Variants in KCNIP4 observed in about 807,000 individuals in gnomAD.
KCNIP4 encodes potassium voltage-gated channel interacting protein 4, also known as Kv channel-interacting protein 4.
In KCNIP4, 12 loss-of-function variants were observed where a neutral mutation model predicts 34.0. That is an observed-to-expected ratio of 0.35 (90% CI 0.23 to 0.57). KCNIP4 has a LOEUF of 0.57. Ranked by LOEUF, KCNIP4 falls within the 20% of genes least tolerant of loss-of-function variation. KCNIP4 has a pLI of 0.83. For missense variants in KCNIP4, 238 were observed against 311.7 expected, an observed-to-expected ratio of 0.76 and a Z score of 1.78; for synonymous variants, 124 against 102.2, an observed-to-expected ratio of 1.21 and a Z score of -1.29.
chr4:21,638,223 A>T (rs142794858), intron 1 of KCNIP4, among the ~76,000 whole-genome samples: 1 of 152,162 alleles, frequency 6.6e-6, no homozygotes, highest in Non-Finnish European at 1.5e-5. Context: ...AAATTTTCCA[A>T]TCAGGGGCAA....
intron 1 of KCNIP4, among the ~76,000 whole-genome samples, chr4:21,600,014 TGGTCCTCAGATCACATCTTAA>T (rs1742977243): frequency 6.6e-6 from 1 of 152,064 alleles, no homozygotes; most frequent in South Asian, 2.1e-4. Context: ...CTGCTGCAGG[TGGTCCTCAGATCACATCTTAA>T]GAAGTATTGA....
intron 2 of KCNIP4, among the ~76,000 whole-genome samples, chr4:20,851,584 C>A (rs777674457): frequency 4.0e-5 from 6 of 151,644 alleles, no homozygotes; most frequent in Non-Finnish European, 5.9e-5. Context: ...GTATTTCTGC[C>A]TCTAGGTCTT....
chr4:20,996,261 C>T (rs1372066881), intron 1 of KCNIP4, among the ~76,000 whole-genome samples: 3 of 152,204 alleles, frequency 2.0e-5, no homozygotes, highest in Non-Finnish European at 2.9e-5. Context: ...TTCGCTCTCA[C>T]ACCCCTAAGG....
intron 1 of KCNIP4, among the ~76,000 whole-genome samples, chr4:21,281,045 G>A (rs1762742485): frequency 6.7e-6 from 1 of 149,440 alleles, no homozygotes; most frequent in African/African-American, 2.5e-5. Flanking sequence ...CTCTATAATA[G>A]TTTAAATGAT....
At chr4:21,928,651 C>A (rs1282391235) in intron 1 of KCNIP4, among the ~76,000 whole-genome samples, 1 of 152,070 alleles carries the variant, frequency 6.6e-6, no homozygotes, top group Non-Finnish European at 1.5e-5. Context: ...GTATGTCTGA[C>A]TCTTGCAGAA....
At chr4:21,805,511 G>A (rs141424808) in intron 1 of KCNIP4, among the ~76,000 whole-genome samples, 3,125 of 152,152 alleles carry the variant, frequency 0.021, 39 homozygotes, top group Non-Finnish European at 0.032. Flanking sequence ...CTCCCCAGCC[G>A]TGTGGAACTG....
intron 1 of KCNIP4, among the ~76,000 whole-genome samples, chr4:21,653,993 G>A (rs185422053): frequency 8.1e-4 from 124 of 152,180 alleles, no homozygotes; most frequent in Admixed American, 7.4e-3. Flanking sequence ...GAAAGTACTC[G>A]AGTTAATTTC....
intron 1 of KCNIP4, among the ~76,000 whole-genome samples, chr4:21,693,617 A>C (rs1162794540): frequency 6.6e-6 from 1 of 152,154 alleles, no homozygotes; most frequent in African/African-American, 2.4e-5. Context: ...TGGTGGCTTG[A>C]CCCACAATAA....
At chr4:20,933,068 A>G (rs1730649641) in intron 1 of KCNIP4, among the ~76,000 whole-genome samples, 1 of 152,068 alleles carries the variant, frequency 6.6e-6, no homozygotes, top group Non-Finnish European at 1.5e-5. Context: ...CAACATAGAG[A>G]AACCTGTCTC....
intron 1 of KCNIP4, among the ~76,000 whole-genome samples, chr4:21,354,120 G>C (rs937482765): frequency 2.0e-5 from 3 of 152,124 alleles, no homozygotes; most frequent in African/African-American, 7.2e-5. Context: ...TCACCACCAG[G>C]CCTGCCCTAC....
chr4:21,347,581 A>T (rs867176144), intron 1 of KCNIP4, among the ~76,000 whole-genome samples: 29 of 152,332 alleles, frequency 1.9e-4, no homozygotes, highest in African/African-American at 5.5e-4. Flanking sequence ...CAAAGGATCA[A>T]CACAGTGAGT....
chr4:21,621,170 C>A (rs2340), intron 1 of KCNIP4, among the ~76,000 whole-genome samples: 132,368 of 152,180 alleles, frequency 0.87, 57,882 homozygotes, highest in East Asian at 0.99. Context: ...CCAACCAAAA[C>A]TACTCAAATT....
chr4:21,343,571 C>T (rs913000839), intron 1 of KCNIP4, among the ~76,000 whole-genome samples: 8 of 152,204 alleles, frequency 5.3e-5, no homozygotes, highest in African/African-American at 1.9e-4. Context: ...AATAAAAATG[C>T]TGCTTGTCTA....
chr4:21,190,442 G>C (rs78153059), intron 1 of KCNIP4, among the ~76,000 whole-genome samples: 3,464 of 144,104 alleles, frequency 0.024, 153 homozygotes, highest in African/African-American at 0.086. Context: ...AATGCTGTGT[G>C]TGCCACACCT....
chr4:21,733,085 A>G (rs1357851374), intron 1 of KCNIP4, among the ~76,000 whole-genome samples: 2 of 152,318 alleles, frequency 1.3e-5, no homozygotes, highest in East Asian at 1.9e-4. Context: ...GCTGAGCAAG[A>G]GTATAAGACT....
At chr4:21,506,249 A>C (rs1733837882) in intron 1 of KCNIP4, among the ~76,000 whole-genome samples, 1 of 152,212 alleles carries the variant, frequency 6.6e-6, no homozygotes, top group African/African-American at 2.4e-5. Context: ...GCAGTTCAGA[A>C]TGTAGATGTT....
chr4:21,734,033 A>G (rs1715806258), intron 1 of KCNIP4, among the ~76,000 whole-genome samples: 1 of 152,190 alleles, frequency 6.6e-6, no homozygotes, highest in East Asian at 1.9e-4. Flanking sequence ...TGGGGCTGTG[A>G]CATGCTGCAG....
At chr4:21,395,614 G>A (rs1722917821) in intron 1 of KCNIP4, among the ~76,000 whole-genome samples, 1 of 151,944 alleles carries the variant, frequency 6.6e-6, no homozygotes, top group African/African-American at 2.4e-5. Flanking sequence ...TACCAGAAAA[G>A]TTTTCCTCCC....
chr4:21,323,276 A>C (rs1578077519), intron 1 of KCNIP4, among the ~76,000 whole-genome samples: 1 of 151,710 alleles, frequency 6.6e-6, no homozygotes, highest in African/African-American at 2.4e-5. Context: ...CATACAATTC[A>C]ATTATGCTCT....
Sources: allele counts gnomAD v4.1 joint callset (sites outside exome capture counted in the v4.1 genomes callset), GRCh38; gene constraint gnomAD v4.1.1; transcripts MANE v1.5; gene names NCBI Gene and HGNC (gene_info 2026-07-23, HGNC 2026-07-21).